LIMCH1: variants seen among roughly 807,000 people sequenced by gnomAD.
LIMCH1 encodes LIM and calponin homology domains-containing protein 1.
LIMCH1 carries 113 observed loss-of-function variants against 176.5 expected under a neutral mutation model. The observed-to-expected ratio is 0.64, with a 90% CI of 0.55 to 0.75. The LOEUF is 0.75. Ranked by LOEUF, LIMCH1 falls within the 30% of genes least tolerant of loss-of-function variation. The pLI is 0.00. For missense variants in LIMCH1, 1,674 were observed against 1,814.9 expected, an observed-to-expected ratio of 0.92 and a Z score of 1.41; for synonymous variants, 619 against 645.9, an observed-to-expected ratio of 0.96 and a Z score of 0.63.
rs551862002 is a variant in LIMCH1, at chr4:41,507,348, G to A, written c.167+12742G>A. ...TCCAGCCTCTCTCCCCTTCCTGGAG[G>A]ATGGGAGTGGGGCTAGAAGTTCCAA... On this transcript the variant is annotated intron_variant, in intron 2 of 26. Transcript: ENST00000313860. 3.9e-4 allele frequency among the ~76,000 whole-genome samples: 60 copies of A among 152,244 alleles called. 1 individual carries two copies. The highest frequency in any genetic ancestry group is 4.6e-4 in the Non-Finnish European group (31 of 68,016).
At chr4:41,584,272 T>C (rs2086053512) in intron 1 of LIMCH1, among the ~76,000 whole-genome samples, 1 of 152,176 alleles carries the variant, frequency 6.6e-6, no homozygotes, top group Non-Finnish European at 1.5e-5. Flanking sequence ...TTGTCTCACA[T>C]GTCTTGGGGG....
intron 2 of LIMCH1, among the ~76,000 whole-genome samples, chr4:41,509,629 G>T (rs923097613): frequency 6.6e-6 from 1 of 152,266 alleles, no homozygotes; most frequent in Non-Finnish European, 1.5e-5. Flanking sequence ...CAGTGAAAAA[G>T]CTGCTTTTTG....
Position 41,598,861 on chromosome 4 carries a change from G to A in LIMCH1, c.-240-59G>A. 2.7e-6 allele frequency: 3 copies of A among 1,109,210 alleles called. No individual in the cohort carries two copies. In the South Asian group the frequency reaches 4.2e-5, roughly 15 times the overall value. 68.7% of individuals were successfully genotyped at this position (1,109,210 alleles called of 1,614,324 possible). A position where few individuals can be genotyped will look rare whatever the true frequency, so the allele number is the denominator to read the frequency against. ...GTATCCCTACAGCAACTTGGGAGGG[G>A]CTGGTTCATAAAGATAATCTAAGAT... On this transcript the variant is annotated intron_variant, in intron 1 of 31. Transcript: ENST00000503057.
At chr4:41,598,523 C>CT (rs34264224) in intron 1 of LIMCH1, among the ~76,000 whole-genome samples, 1,681 of 150,814 alleles carry the variant, frequency 0.011, 38 homozygotes, top group African/African-American at 0.039. Flanking sequence ...GATGAAAAAC[C>CT]TTTTTAAAAA....
chr4:41,553,532 G>A (rs1194361322), intron 1 of LIMCH1, among the ~76,000 whole-genome samples: 2 of 152,108 alleles, frequency 1.3e-5, no homozygotes, highest in Admixed American at 1.3e-4. Context: ...GGTAGGGTGT[G>A]GTGGGGGATG....
chr4:41,698,388 C>G lies in LIMCH1; in HGVS notation c.*1203C>G, dbSNP rs1435038677. 6.6e-6 allele frequency: 1 copy of G among 152,188 alleles called. No homozygotes were observed. Among genetic ancestry groups the G allele is most frequent in the African/African-American group, 2.4e-5 (1 of 41,450 alleles). The allele number at this position is 152,188 out of a possible 1,614,324, so 9.4% of individuals were successfully genotyped here. On this transcript the variant is annotated 3_prime_UTR_variant, in exon 32 of 32. Transcript: ENST00000503057. The stretch of plus-strand genomic sequence containing the variant: ...GCCCATGGAGAAGTTTAGAGAGGAA[C>G]TCTTGTGGAGAGCTGGTTTATTTTC...
rs908938289 is a variant in LIMCH1, at chr4:41,436,082, G to C, written c.97-58454G>C. On this transcript the variant is annotated intron_variant, in intron 1 of 26. Transcript: ENST00000313860. Reference sequence around the variant, plus strand: ...TTTTGTAAAGTTTAGTTCTAATAAAGCTCATAGAGCCATAAGAAAATCTCT... The same window carrying C: ...TTTTGTAAAGTTTAGTTCTAATAAACCTCATAGAGCCATAAGAAAATCTCT... Among the ~76,000 whole-genome samples the C allele has an allele frequency of 1.1e-4, 17 of 152,196 alleles. 1 individual carries two copies. Among genetic ancestry groups the C allele is most frequent in the Admixed American group, 1.0e-3 (16 of 15,282 alleles).
chr4:41,508,438 A>G (rs1227951361), intron 2 of LIMCH1, among the ~76,000 whole-genome samples: 1 of 152,216 alleles, frequency 6.6e-6, no homozygotes, highest in Non-Finnish European at 1.5e-5. Flanking sequence ...CAAGCCACCC[A>G]GGACCAGAGT....
intron 1 of LIMCH1, among the ~76,000 whole-genome samples, chr4:41,435,161 A>G (rs1397715635): frequency 6.6e-6 from 1 of 152,188 alleles, no homozygotes; most frequent in Non-Finnish European, 1.5e-5. Flanking sequence ...AGAAGCAGAA[A>G]AAGAGGAGAT....
intron 1 of LIMCH1, among the ~76,000 whole-genome samples, chr4:41,415,052 A>G (rs892945073): frequency 2.0e-5 from 3 of 152,104 alleles, no homozygotes; most frequent in Non-Finnish European, 4.4e-5. Context: ...AGACATTGTG[A>G]TGGTTAATTG....
intron 1 of LIMCH1, among the ~76,000 whole-genome samples, chr4:41,434,702 A>G (rs1405352071): frequency 6.6e-6 from 1 of 152,026 alleles, no homozygotes. Context: ...TTTTTAGTAG[A>G]GCCAGGGTTT....
chr4:41,611,212 A>G (rs557873470), intron 4 of LIMCH1, among the ~76,000 whole-genome samples: 5 of 152,348 alleles, frequency 3.3e-5, no homozygotes, highest in African/African-American at 1.2e-4. Context: ...AGTATTCAGT[A>G]CAGTCACATG....
chr4:41,646,027 G>A (rs1033143873), intron 15 of LIMCH1, 96 bp from the exon 16 acceptor site: 7 of 1,267,876 alleles, frequency 5.5e-6, no homozygotes, highest in Admixed American at 2.3e-5. Flanking sequence ...CCCATAGTCA[G>A]TTCTCTAAAG....
Position 41,687,937 on chromosome 4 carries a change from C to T in LIMCH1, c.4166+20C>T. The T allele has an allele frequency of 6.3e-7, 1 of 1,589,098 alleles. No individual in the cohort carries two copies. Among genetic ancestry groups the T allele is most frequent in the Non-Finnish European group, 8.6e-7 (1 of 1,157,612 alleles). On this transcript the variant is annotated intron_variant, in intron 29 of 31. Transcript: ENST00000503057. ...AAACAGGTACAAGAGGTCAGCAGGCCTTTCTGAGGCTGCTTTGTTATGACT... is the reference window on the plus strand; with the variant it reads ...AAACAGGTACAAGAGGTCAGCAGGCTTTTCTGAGGCTGCTTTGTTATGACT...
chr4:41,580,588 G>GA (rs1190993693), intron 1 of LIMCH1, among the ~76,000 whole-genome samples: 1 of 151,474 alleles, frequency 6.6e-6, no homozygotes. Flanking sequence ...AAAGAATAAA[G>GA]AAAAAATAGG....
At chr4:41,538,084 G>A (rs1295092141), upstream of LIMCH1, 2 of 785,046 alleles carry the variant, frequency 2.5e-6, no homozygotes, top group Non-Finnish European at 3.1e-6. Context: ...TTCCTCAGAG[G>A]GAATGGGCTT....
chr4:41,485,244 A>G (rs1293108600), intron 1 of LIMCH1, among the ~76,000 whole-genome samples: 2 of 152,376 alleles, frequency 1.3e-5, no homozygotes, highest in East Asian at 1.9e-4. Context: ...GAAATAGGAT[A>G]CAGATGAGCT....
At chr4:41,640,521 C>T (rs2093775500) in intron 14 of LIMCH1, among the ~76,000 whole-genome samples, 1 of 152,124 alleles carries the variant, frequency 6.6e-6, no homozygotes, top group Non-Finnish European at 1.5e-5. Context: ...TCTAAGTTTA[C>T]AAAATGCAGC....
At position 41,619,326 on chromosome 4, in the gene LIMCH1, G is replaced by A. The variant is rs2092385323; in HGVS notation, c.344G>A (p.Ser115Asn). 1.9e-6 allele frequency: 3 copies of A among 1,614,052 alleles called. No individual in the cohort carries two copies. Among genetic ancestry groups the A allele is most frequent in the Non-Finnish European group, 1.7e-6 (2 of 1,180,042 alleles). The change falls in exon 6 of 32, where the codon AGC becomes AAC. Residue 115 changes from serine (S) to asparagine (N), a missense_variant. Physicochemically the swap from Ser to Asn is conservative, Grantham distance 46. Transcript: ENST00000503057. ...VPFNQYLPNKSNQTAYVPAPL... is the reference protein window; with the variant it reads ...VPFNQYLPNKNNQTAYVPAPL... ...TTTAACCAGTACCTCCCGAACAAAA[G>A]CAATCAGACGGCCTACGTCCCCGCG...
Sources: gnomAD v4.1 joint callset for allele counts (sites outside exome capture counted in the v4.1 genomes callset) on GRCh38, gnomAD v4.1.1 for gene constraint, MANE v1.5 for transcripts, NCBI Gene and HGNC (gene_info 2026-07-23, HGNC 2026-07-21) for gene names.